Variants in LIMK1 observed in about 807,000 individuals in gnomAD.
LIMK1 encodes the protein LIM motif-containing protein kinase.
Under a neutral mutation model 77.6 loss-of-function variants are expected in LIMK1, and 21 were observed. That is an observed-to-expected ratio of 0.27 (90% CI 0.19 to 0.39). The LOEUF is 0.39. Ranked by LOEUF, LIMK1 falls within the 10% of genes least tolerant of loss-of-function variation. LIMK1 has a pLI of 1.00. For synonymous variants in LIMK1, 358 were observed against 370.0 expected, an observed-to-expected ratio of 0.97 and a Z score of 0.37; for missense variants, 696 against 901.6, an observed-to-expected ratio of 0.77 and a Z score of 2.92.
chr7:74,086,141 G>A (rs1388491532), intron 2 of LIMK1, among the ~76,000 whole-genome samples: 1 of 152,006 alleles, frequency 6.6e-6, no homozygotes, highest in Non-Finnish European at 1.5e-5. Context: ...TTCCTCCTGG[G>A]CTCACGCAGT....
At chr7:74,106,966 C>T in intron 7 of LIMK1, 44 bp from the exon 8 acceptor site, 2 of 1,501,420 alleles carry the variant, frequency 1.3e-6, no homozygotes, top group South Asian at 2.6e-5. Context: ...TGGCCGGGTG[C>T]TACCTGTCCC....
intron 2 of LIMK1, among the ~76,000 whole-genome samples, chr7:74,086,415 A>G (rs926639538): frequency 3.3e-5 from 5 of 152,072 alleles, no homozygotes; most frequent in Non-Finnish European, 7.4e-5. Flanking sequence ...GCTGGAGTGC[A>G]GTGGTGCCAT....
chr7:74,099,495 C>T (rs1015816167), intron 5 of LIMK1, among the ~76,000 whole-genome samples: 2 of 152,094 alleles, frequency 1.3e-5, no homozygotes, highest in Non-Finnish European at 2.9e-5. Context: ...CTTCGGGAGG[C>T]CGAAGTGGGT....
At chr7:74,120,349 A>T (rs1799905294) in intron 13 of LIMK1, among the ~76,000 whole-genome samples, 1 of 152,082 alleles carries the variant, frequency 6.6e-6, no homozygotes, top group Non-Finnish European at 1.5e-5. Flanking sequence ...GGTGCCTCGA[A>T]CTCCTTGTCC....
chr7:74,106,321 G>C, intron 7 of LIMK1, 78 bp downstream of exon 7: 1 of 1,503,262 alleles, frequency 6.7e-7, no homozygotes, highest in East Asian at 2.3e-5. Context: ...CCTAGGTCGG[G>C]GAGCCAGCCC....
chr7:74,111,855 AG>A, intron 11 of LIMK1, 77 bp from the exon 12 acceptor site: 1 of 1,464,674 alleles, frequency 6.8e-7, no homozygotes, highest in Admixed American at 1.7e-5. Flanking sequence ...GTGGGAGCAG[AG>A]GGAGTTCCTG....
At chr7:74,085,347 C>T (rs1187389672) in intron 1 of LIMK1, among the ~76,000 whole-genome samples, 3 of 152,244 alleles carry the variant, frequency 2.0e-5, no homozygotes, top group Non-Finnish European at 2.9e-5. Context: ...CTTTGAAGGG[C>T]CCTCTTAGTA....
chr7:74,096,966 C>A, intron 3 of LIMK1, 114 bp from the exon 4 acceptor site: 1 of 1,040,022 alleles, frequency 9.6e-7, no homozygotes, highest in Non-Finnish European at 1.4e-6. Flanking sequence ...AGCTGGCCAG[C>A]CGGGTCCCTG....
rs1417009825 is a variant in LIMK1 at position 74,106,202 on chromosome 7, C to T, written c.840C>T (p.Pro280=). The change falls in exon 7 of 16, where the codon CCC becomes CCT. Residue 280 remains proline, a synonymous_variant. Transcript: ENST00000336180. ...CCCTGAGCTCTCCGGCTTATACTCC[C>T]AGCGGGGAGGCGGGCAGCTCTGCCC... is the stretch of plus-strand genomic sequence containing the variant. ...TSPLSSPAYT[P]SGEAGSSARQ... 2 of 1,613,708 alleles carry T rather than the reference C, an allele frequency of 1.2e-6. No homozygotes were observed. Among genetic ancestry groups the T allele is most frequent in the Non-Finnish European group, 1.7e-6 (2 of 1,180,008 alleles).
chr7:74,104,410 G>C (rs1584119381), intron 5 of LIMK1, among the ~76,000 whole-genome samples: 1 of 152,032 alleles, frequency 6.6e-6, no homozygotes, highest in Admixed American at 6.6e-5. Flanking sequence ...TGGATTACCT[G>C]AGGTCAGGAG....
At chr7:74,091,506 G>C (rs1799234719) in intron 2 of LIMK1, among the ~76,000 whole-genome samples, 1 of 152,192 alleles carries the variant, frequency 6.6e-6, no homozygotes, top group Admixed American at 6.5e-5. Context: ...AACAGAGCGA[G>C]ACACTGTCTC....
chr7:74,095,742 G>T (rs1799325348), intron 2 of LIMK1, among the ~76,000 whole-genome samples: 1 of 151,952 alleles, frequency 6.6e-6, no homozygotes, highest in South Asian at 2.1e-4. Flanking sequence ...TCCTGGCTGG[G>T]CAGGGCTGCT....
intron 12 of LIMK1, 124 bp downstream of exon 12, chr7:74,112,122 T>G (rs2115732881): frequency 1.3e-6 from 1 of 754,354 alleles, no homozygotes; most frequent in Non-Finnish European, 2.2e-6. Flanking sequence ...CAATTTGAGG[T>G]GGGGGTGGGG....
rs1384203082 is a variant in LIMK1 at position 74,106,297 on chromosome 7, C to T, written c.881+54C>T. On this transcript the variant is annotated intron_variant, in intron 7 of 15. Transcript: ENST00000336180. The stretch of plus-strand genomic sequence containing the variant: ...GGGTGCTTTCACTCCTGCTGGGGCT[C>T]AGGGGCTGTGGGACCTAGGTCGGGG... 3.9e-6 allele frequency: 6 copies of T among 1,547,112 alleles called. No homozygotes were observed. The African/African-American group carries it at 6.9e-5, about 18-fold the overall frequency.
At chr7:74,109,186 C>G (rs537602026) in intron 10 of LIMK1, 150 bp downstream of exon 10, 1 of 667,434 alleles carries the variant, frequency 1.5e-6, no homozygotes, top group African/African-American at 1.8e-5. Flanking sequence ...AAAAGGGGAG[C>G]GACTGACTCC....
intron 12 of LIMK1, among the ~76,000 whole-genome samples, chr7:74,114,328 GC>G (rs1554699028): frequency 6.6e-6 from 1 of 151,618 alleles, no homozygotes; most frequent in African/African-American, 2.4e-5. Flanking sequence ...GATTGCTTGA[GC>G]CCAGGAGTTT....
chr7:74,104,844 G>A (rs1275363374), intron 5 of LIMK1, among the ~76,000 whole-genome samples: 1 of 152,158 alleles, frequency 6.6e-6, no homozygotes, highest in Non-Finnish European at 1.5e-5. Flanking sequence ...CTTGCAGGGC[G>A]AGTTTGGGAG....
At chr7:74,112,238 G>C (rs1799714336) in intron 12 of LIMK1, among the ~76,000 whole-genome samples, 1 of 152,166 alleles carries the variant, frequency 6.6e-6, no homozygotes, top group East Asian at 1.9e-4. Flanking sequence ...TCCCAGGCTG[G>C]TAGGAGGGTC....
At chr7:74,086,421 G>A (rs1799138990) in intron 2 of LIMK1, among the ~76,000 whole-genome samples, 1 of 152,064 alleles carries the variant, frequency 6.6e-6, no homozygotes, top group Non-Finnish European at 1.5e-5. Flanking sequence ...GTGCAGTGGT[G>A]CCATCTCGGC....
Sources: gnomAD v4.1 joint callset for allele counts (sites outside exome capture counted in the v4.1 genomes callset) on GRCh38, gnomAD v4.1.1 for gene constraint, MANE v1.5 for transcripts, NCBI Gene and HGNC (gene_info 2026-07-23, HGNC 2026-07-21) for gene names.